The following ARHGAP26 variants were observed in gnomAD, a reference collection of about 807,000 sequenced individuals.
ARHGAP26 encodes Rho GTPase activating protein 26.
Under a neutral mutation model 104.8 loss-of-function variants are expected in ARHGAP26, and 38 were observed. The ratio of observed to expected loss-of-function variants is 0.36; its 90% CI spans 0.28 to 0.48. ARHGAP26 has a LOEUF of 0.48. ARHGAP26 is among the 20% of genes least tolerant of loss of function. The pLI is 0.99. For synonymous variants in ARHGAP26, 341 were observed against 340.0 expected (o/e 1.00, Z -0.03); for missense variants, 704 against 947.9 (o/e 0.74, Z 3.38).
chr5:142,923,059 A>G (rs1015471958), intron 10 of ARHGAP26, among the ~76,000 whole-genome samples: 1 of 150,812 alleles, frequency 6.6e-6, no homozygotes, highest in Non-Finnish European at 1.5e-5. Flanking sequence ...GGAGTCTTAG[A>G]ATTCATGTAG....
chr5:142,962,776 G>A (rs2152668123), intron 11 of ARHGAP26, among the ~76,000 whole-genome samples: 1 of 152,270 alleles, frequency 6.6e-6, no homozygotes, highest in South Asian at 2.1e-4. Flanking sequence ...TCCACAATGA[G>A]AGGCAGCTTA....
chr5:142,841,321 T>C (rs1770751701), intron 1 of ARHGAP26, among the ~76,000 whole-genome samples: 1 of 152,150 alleles, frequency 6.6e-6, no homozygotes, highest in Non-Finnish European at 1.5e-5. Flanking sequence ...GATCTGTCCC[T>C]GAGGAGGTGG....
intron 1 of ARHGAP26, among the ~76,000 whole-genome samples, chr5:142,847,355 G>A (rs575555846): frequency 5.3e-5 from 8 of 151,824 alleles, no homozygotes; most frequent in African/African-American, 1.9e-4. Context: ...GCAAAGGATG[G>A]AGATGTCTTT....
chr5:142,819,452 C>T (rs1765712638), intron 1 of ARHGAP26, among the ~76,000 whole-genome samples: 1 of 152,180 alleles, frequency 6.6e-6, no homozygotes, highest in Non-Finnish European at 1.5e-5. Flanking sequence ...AGGGAAAGCC[C>T]TCTCCTCCCA....
intron 1 of ARHGAP26, among the ~76,000 whole-genome samples, chr5:142,838,235 G>A (rs1769999173): frequency 6.6e-6 from 1 of 151,900 alleles, no homozygotes. Context: ...TCCAGCCTGG[G>A]CAAGAGAGTG....
chr5:143,118,728 T>C (rs1237783271), intron 17 of ARHGAP26, among the ~76,000 whole-genome samples: 2 of 151,688 alleles, frequency 1.3e-5, no homozygotes, highest in Non-Finnish European at 2.9e-5. Context: ...TCTATGATCA[T>C]GCCACTGCAC....
At chr5:143,130,560 G>A (rs1452627693) in intron 18 of ARHGAP26, among the ~76,000 whole-genome samples, 1 of 152,180 alleles carries the variant, frequency 6.6e-6, no homozygotes, top group Non-Finnish European at 1.5e-5. Context: ...AGGGTTGTTT[G>A]CACAGTGATT....
chr5:143,035,144 A>G (rs539897128), intron 12 of ARHGAP26, among the ~76,000 whole-genome samples: 1 of 152,238 alleles, frequency 6.6e-6, no homozygotes, highest in Non-Finnish European at 1.5e-5. Context: ...GTATGTAAGT[A>G]TAGGAACTAT....
intron 1 of ARHGAP26, among the ~76,000 whole-genome samples, chr5:142,848,472 G>A (rs565812208): frequency 6.6e-5 from 10 of 152,266 alleles, no homozygotes; most frequent in African/African-American, 2.2e-4. Flanking sequence ...GTTCTTCCTT[G>A]TTTTCTGTGG....
chr5:142,973,531 A>G (rs1772587725), intron 11 of ARHGAP26, among the ~76,000 whole-genome samples: 1 of 152,218 alleles, frequency 6.6e-6, no homozygotes, highest in Non-Finnish European at 1.5e-5. Flanking sequence ...TTCCATTTTT[A>G]AACTTTTCTG....
intron 1 of ARHGAP26, among the ~76,000 whole-genome samples, chr5:142,865,046 T>G (rs775766283): frequency 5.3e-5 from 8 of 152,250 alleles, no homozygotes; most frequent in Non-Finnish European, 1.2e-4. Flanking sequence ...TTAAGAAATG[T>G]CCACAGTCTT....
intron 10 of ARHGAP26, among the ~76,000 whole-genome samples, chr5:142,927,533 T>C (rs1764090270): frequency 6.6e-6 from 1 of 152,214 alleles, no homozygotes; most frequent in Non-Finnish European, 1.5e-5. Flanking sequence ...TGTTGTATGG[T>C]ATGCCATTGT....
chr5:143,059,485 CT>C (rs1354559205), intron 17 of ARHGAP26, among the ~76,000 whole-genome samples: 2 of 152,184 alleles, frequency 1.3e-5, no homozygotes, highest in Non-Finnish European at 2.9e-5. Flanking sequence ...AAACCAAACC[CT>C]TAAGGTAGAT....
chr5:143,052,334 G>A (rs1200097442), intron 14 of ARHGAP26, among the ~76,000 whole-genome samples: 1 of 152,112 alleles, frequency 6.6e-6, no homozygotes, highest in Non-Finnish European at 1.5e-5. Context: ...GCTGGGCATG[G>A]TGGCACATGC....
At chr5:143,118,916 G>A (rs1364011860) in intron 17 of ARHGAP26, among the ~76,000 whole-genome samples, 1 of 150,274 alleles carries the variant, frequency 6.7e-6, no homozygotes, top group African/African-American at 2.5e-5. Context: ...TTGTGCACAT[G>A]TACCCTAAAA....
intron 11 of ARHGAP26, among the ~76,000 whole-genome samples, chr5:143,001,781 G>T (rs888451685): frequency 6.6e-6 from 1 of 152,222 alleles, no homozygotes; most frequent in Non-Finnish European, 1.5e-5. Flanking sequence ...TTCTCCATGT[G>T]ATCACAGTGC....
At chr5:143,207,533 A>C in intron 21 of ARHGAP26, 2 of 1,586,446 alleles carry the variant, frequency 1.3e-6, no homozygotes, top group South Asian at 2.3e-5. Context: ...CAGGGACAAC[A>C]GGGGGCTGCC....
chr5:142,779,828 C>T (rs1298657899), intron 1 of ARHGAP26, among the ~76,000 whole-genome samples: 5 of 152,170 alleles, frequency 3.3e-5, no homozygotes, highest in South Asian at 2.1e-4. Context: ...CTGCGTATCT[C>T]GTTATCACAC....
At chr5:143,111,107 T>G (rs1489244434) in intron 17 of ARHGAP26, among the ~76,000 whole-genome samples, 1 of 152,246 alleles carries the variant, frequency 6.6e-6, no homozygotes, top group African/African-American at 2.4e-5. Context: ...CAGATTAGTT[T>G]ATTTACCAGT....
Sources: allele counts gnomAD v4.1 joint callset (sites outside exome capture counted in the v4.1 genomes callset), GRCh38; gene constraint gnomAD v4.1.1; transcripts MANE v1.5; gene names NCBI Gene and HGNC (gene_info 2026-07-23, HGNC 2026-07-21).